The following PPP3CA variants were observed in gnomAD, a reference collection of about 807,000 sequenced individuals.
PPP3CA encodes the protein CAM-PRP catalytic subunit.
PPP3CA carries 14 observed loss-of-function variants against 66.5 expected under a neutral mutation model. That is an observed-to-expected ratio of 0.21 (90% CI 0.14 to 0.33). The LOEUF (loss-of-function observed/expected upper bound fraction) is 0.33, where lower values mean the gene tolerates loss of function less well. Among genes scored for constraint, PPP3CA ranks in the 10% least tolerant of loss-of-function variants. The pLI is 1.00. For missense variants in PPP3CA, 317 were observed against 639.5 expected (o/e 0.50, Z 5.44); for synonymous variants, 232 against 226.2 (o/e 1.03, Z -0.23).
At chr4:101,128,994 C>G (rs1722338765) in intron 2 of PPP3CA, among the ~76,000 whole-genome samples, 1 of 152,186 alleles carries the variant, frequency 6.6e-6, no homozygotes, top group Admixed American at 6.5e-5. Context: ...CTATGATACA[C>G]TGACTGGAAA....
intron 1 of PPP3CA, among the ~76,000 whole-genome samples, chr4:101,216,997 C>T (rs2135609): frequency 0.11 from 16,797 of 152,078 alleles, 1,346 homozygotes; most frequent in East Asian, 0.31. Context: ...ATTCAATGAT[C>T]GGTGAAAATA....
intron 8 of PPP3CA, among the ~76,000 whole-genome samples, chr4:101,066,688 A>G (rs577842340): frequency 1.3e-5 from 2 of 150,782 alleles, no homozygotes; most frequent in African/African-American, 2.5e-5. Flanking sequence ...AATACATGAG[A>G]AAAAAAAACT....
intron 1 of PPP3CA, among the ~76,000 whole-genome samples, chr4:101,266,946 G>A (rs1364233051): frequency 1.3e-5 from 2 of 152,178 alleles, no homozygotes; most frequent in African/African-American, 4.8e-5. Context: ...AAATTCTGTA[G>A]GAGCATGAGA....
intron 2 of PPP3CA, among the ~76,000 whole-genome samples, chr4:101,124,749 AAG>A (rs1458704977): frequency 6.7e-5 from 8 of 118,594 alleles, no homozygotes; most frequent in African/African-American, 2.6e-4. Flanking sequence ...GAAAGAAAGA[AAG>A]AAAGAAAGAA....
At chr4:101,268,110 T>G (rs547865055) in intron 1 of PPP3CA, among the ~76,000 whole-genome samples, 2 of 152,104 alleles carry the variant, frequency 1.3e-5, no homozygotes, top group South Asian at 4.2e-4. Context: ...AGTTTAAGGT[T>G]GCAGTGAGCT....
At chr4:101,113,022 G>A (rs1275032081) in intron 2 of PPP3CA, among the ~76,000 whole-genome samples, 1 of 152,126 alleles carries the variant, frequency 6.6e-6, no homozygotes, top group Non-Finnish European at 1.5e-5. Context: ...ATACCCTTGT[G>A]ATTGATAGAG....
At chr4:101,200,531 C>T (rs766611678) in intron 1 of PPP3CA, among the ~76,000 whole-genome samples, 41 of 152,058 alleles carry the variant, frequency 2.7e-4, no homozygotes, top group Non-Finnish European at 3.1e-4. Flanking sequence ...CTGGAGTAGT[C>T]CTATAAATGC....
At chr4:101,324,533 C>G (rs1729152410) in intron 1 of PPP3CA, among the ~76,000 whole-genome samples, 1 of 152,126 alleles carries the variant, frequency 6.6e-6, no homozygotes, top group Admixed American at 6.5e-5. Flanking sequence ...CATGCACAAA[C>G]AGAAGAACAT....
At chr4:101,247,077 G>A (rs2850373) in intron 1 of PPP3CA, among the ~76,000 whole-genome samples, 16,934 of 152,062 alleles carry the variant, frequency 0.11, 1,360 homozygotes, top group East Asian at 0.31. Flanking sequence ...GAGTAGAAGA[G>A]TATACTCCCT....
chr4:101,294,471 A>T (rs1256205955), intron 1 of PPP3CA, among the ~76,000 whole-genome samples: 1 of 152,170 alleles, frequency 6.6e-6, no homozygotes, highest in South Asian at 2.1e-4. Flanking sequence ...GTATTTCAGT[A>T]TTATAATTTT....
chr4:101,113,331 T>C (rs1034752820), intron 2 of PPP3CA, among the ~76,000 whole-genome samples: 21 of 152,120 alleles, frequency 1.4e-4, no homozygotes, highest in Admixed American at 2.6e-4. Context: ...TAAATACACC[T>C]ATGCTTTTGA....
intron 2 of PPP3CA, among the ~76,000 whole-genome samples, chr4:101,112,401 A>G (rs1190197638): frequency 6.6e-6 from 1 of 152,140 alleles, no homozygotes; most frequent in Non-Finnish European, 1.5e-5. Flanking sequence ...AAAATAGAAA[A>G]AAGTAATTGC....
chr4:101,059,442 A>T (rs1270464045), intron 10 of PPP3CA, among the ~76,000 whole-genome samples: 1 of 152,158 alleles, frequency 6.6e-6, no homozygotes, highest in African/African-American at 2.4e-5. Context: ...GAAGTTATAG[A>T]GGAGAAAAAC....
At chr4:101,226,149 G>C (rs1725775808) in intron 1 of PPP3CA, among the ~76,000 whole-genome samples, 1 of 151,658 alleles carries the variant, frequency 6.6e-6, no homozygotes, top group Non-Finnish European at 1.5e-5. Context: ...GATCTGTGCT[G>C]AAACACCTCT....
intron 2 of PPP3CA, among the ~76,000 whole-genome samples, chr4:101,154,754 C>G (rs1723257317): frequency 6.6e-6 from 1 of 151,542 alleles, no homozygotes; most frequent in African/African-American, 2.4e-5. Context: ...TTTGTTCTGC[C>G]TGGCATGGAA....
intron 10 of PPP3CA, among the ~76,000 whole-genome samples, chr4:101,041,166 A>C (rs1468291910): frequency 2.6e-5 from 4 of 152,084 alleles, no homozygotes. Flanking sequence ...AGAACTGCTA[A>C]ATTGGATTTA....
intron 1 of PPP3CA, among the ~76,000 whole-genome samples, chr4:101,333,475 A>G (rs1729514477): frequency 6.6e-6 from 1 of 151,644 alleles, no homozygotes; most frequent in Non-Finnish European, 1.5e-5. Context: ...AATACCTGCT[A>G]AAATTCATAC....
chr4:101,217,438 C>T (rs1229963119), intron 1 of PPP3CA, among the ~76,000 whole-genome samples: 1 of 152,064 alleles, frequency 6.6e-6, no homozygotes, highest in Non-Finnish European at 1.5e-5. Context: ...GAAACATATT[C>T]AATATTTAGA....
chr4:101,195,578 C>T (rs187395070), intron 2 of PPP3CA, among the ~76,000 whole-genome samples: 34 of 152,244 alleles, frequency 2.2e-4, no homozygotes, highest in South Asian at 1.5e-3. Flanking sequence ...GTGGAAGTCT[C>T]GGGATACTTT....
Sources: gnomAD v4.1 joint callset for allele counts (sites outside exome capture counted in the v4.1 genomes callset) on GRCh38, gnomAD v4.1.1 for gene constraint, MANE v1.5 for transcripts, NCBI Gene and HGNC (gene_info 2026-07-23, HGNC 2026-07-21) for gene names.